FBXO31: variants seen among roughly 807,000 people sequenced by gnomAD.
The protein encoded by FBXO31 is F-box only protein 31.
FBXO31 carries 24 observed loss-of-function variants against 54.4 expected under a neutral mutation model. That is an observed-to-expected ratio of 0.44 (90% CI 0.32 to 0.62). FBXO31 has a LOEUF of 0.62. FBXO31 is among the 20% of genes least tolerant of loss of function. The pLI is 0.05. For missense variants in FBXO31, 665 were observed against 787.1 expected (o/e 0.84, Z 1.86); for synonymous variants, 388 against 335.6 (o/e 1.16, Z -1.71).
chr16:87,364,482 G>A (rs991434920), intron 1 of FBXO31, among the ~76,000 whole-genome samples: 1 of 152,208 alleles, frequency 6.6e-6, no homozygotes, highest in Non-Finnish European at 1.5e-5. Context: ...CATTCCAGAG[G>A]TCCAGGAAGC....
chr16:87,331,966 G>A (rs985824220), intron 8 of FBXO31, among the ~76,000 whole-genome samples: 1 of 152,224 alleles, frequency 6.6e-6, no homozygotes, highest in Non-Finnish European at 1.5e-5. Flanking sequence ...CTCTAATACA[G>A]GCAGCCTGCA....
intron 2 of FBXO31, among the ~76,000 whole-genome samples, chr16:87,353,240 C>G (rs1284286187): frequency 6.6e-6 from 1 of 152,204 alleles, no homozygotes; most frequent in African/African-American, 2.4e-5. Context: ...GTTACTCCCA[C>G]GGAGAACCCG....
intron 1 of FBXO31, among the ~76,000 whole-genome samples, chr16:87,365,648 G>T (rs1204379102): frequency 3.3e-5 from 5 of 152,214 alleles, no homozygotes; most frequent in African/African-American, 9.6e-5. Context: ...CGCTGCCATG[G>T]TAACATGCAT....
intron 5 of FBXO31, among the ~76,000 whole-genome samples, chr16:87,340,903 A>T (rs1201294451): frequency 6.6e-6 from 1 of 152,230 alleles, no homozygotes; most frequent in African/African-American, 2.4e-5. Flanking sequence ...TCCTATCTGG[A>T]AGGGCTTCGA....
intron 1 of FBXO31, among the ~76,000 whole-genome samples, chr16:87,365,038 T>C (rs1375993552): frequency 9.0e-6 from 1 of 110,816 alleles, no homozygotes; most frequent in Non-Finnish European, 1.9e-5. Context: ...TATATATATA[T>C]ATCAGGCAGG....
chr16:87,354,184 G>T (rs1020425786), intron 2 of FBXO31, among the ~76,000 whole-genome samples: 6 of 152,244 alleles, frequency 3.9e-5, no homozygotes, highest in Admixed American at 1.3e-4. Context: ...AAAAAGTACA[G>T]AACATTGTCC....
chr16:87,342,117 G>C (rs1049121178), intron 5 of FBXO31, among the ~76,000 whole-genome samples: 2 of 152,166 alleles, frequency 1.3e-5, no homozygotes, highest in African/African-American at 4.8e-5. Context: ...CCACATGGGA[G>C]TGCGGTGGTG....
intron 8 of FBXO31, among the ~76,000 whole-genome samples, chr16:87,331,932 G>A (rs1904874754): frequency 6.6e-6 from 1 of 152,202 alleles, no homozygotes; most frequent in Non-Finnish European, 1.5e-5. Context: ...TTAATGTCTG[G>A]GAGTTATGTC....
At chr16:87,337,407 C>A (rs1289128030) in intron 5 of FBXO31, among the ~76,000 whole-genome samples, 1 of 152,206 alleles carries the variant, frequency 6.6e-6, no homozygotes, top group East Asian at 1.9e-4. Flanking sequence ...CACAAGCCCA[C>A]CAGGCACTAC....
At position 87,331,286 on chromosome 16, in the gene FBXO31, G is replaced by T; in HGVS notation, c.*2C>A. 1 of 1,612,370 alleles carries T rather than the reference G, an allele frequency of 6.2e-7. No individual in the cohort carries two copies. The highest frequency in any genetic ancestry group is 8.5e-7 in the Non-Finnish European group (1 of 1,178,718). On this transcript the variant is annotated 3_prime_UTR_variant, in exon 9 of 9. Transcript: ENST00000311635. ...GGGATGTGGCGGCAAGGATGTGGCC[G>T]GTCAGGAGGTGAGGGACTGAATGTT...
intron 1 of FBXO31, among the ~76,000 whole-genome samples, chr16:87,365,524 T>C (rs751958874): frequency 4.6e-5 from 7 of 152,162 alleles, no homozygotes; most frequent in Non-Finnish European, 1.0e-4. Context: ...ATGGCCTCCT[T>C]GGGAGCTCGG....
Position 87,343,760 on chromosome 16 carries a change from G to A in FBXO31, c.495C>T (p.Asp165=), listed in dbSNP as rs752940051. Reference sequence around the variant, plus strand: ...ACATCCACCCGATGATGAACAGGCCGTCCACCTACAGGAGGAGATGGGCAA... The same window carrying A: ...ACATCCACCCGATGATGAACAGGCCATCCACCTACAGGAGGAGATGGGCAA... ...PYGGLLNVVV[D]GLFIIGWMYL... is the part of the protein sequence containing the mutation. The change falls in exon 4 of 9, where the codon GAC becomes GAT. Residue 165 remains aspartate, a synonymous_variant. Coordinates refer to ENST00000311635, the MANE Select transcript of FBXO31 (RefSeq NM_024735.5). The A allele has an allele frequency of 4.3e-5, 69 of 1,614,028 alleles. No homozygotes were observed. The East Asian group carries it at 5.1e-4, about 12-fold the overall frequency.
At chr16:87,341,538 C>T (rs1905193517) in intron 5 of FBXO31, among the ~76,000 whole-genome samples, 2 of 151,812 alleles carry the variant, frequency 1.3e-5, no homozygotes, top group Admixed American at 6.6e-5. Context: ...TGCCTCTAAG[C>T]CCAGCTCCTC....
chr16:87,366,380 C>A (rs923461855), intron 1 of FBXO31, among the ~76,000 whole-genome samples: 4 of 152,164 alleles, frequency 2.6e-5, no homozygotes, highest in African/African-American at 9.7e-5. Flanking sequence ...AAATAATGCT[C>A]CTTATCATAA....
intron 1 of FBXO31, among the ~76,000 whole-genome samples, chr16:87,378,057 G>A (rs1467845688): frequency 2.0e-5 from 3 of 151,758 alleles, no homozygotes; most frequent in Non-Finnish European, 4.4e-5. Flanking sequence ...TATTCAGGAG[G>A]CTGAGGCAGG....
In FBXO31 at chr16:87,336,051, C is replaced by A. The variant is rs1408355199; in HGVS notation, c.842+104G>T. 1 of 878,500 alleles carries A rather than the reference C, an allele frequency of 1.1e-6. No homozygotes were observed. The highest frequency in any genetic ancestry group is 1.6e-5 in the South Asian group (1 of 62,440). 54.4% of individuals were successfully genotyped at this position (878,500 alleles called of 1,614,324 possible). On this transcript the variant is annotated intron_variant, in intron 6 of 8. Coordinates refer to ENST00000311635, the MANE Select transcript of FBXO31 (RefSeq NM_024735.5). The surrounding 1 kb of genome is among the most constrained non-coding windows in gnomAD (Gnocchi z 6.5). The stretch of plus-strand genomic sequence containing the variant: ...AGGAGAGAGGGCTGAACCCCAGCAC[C>A]CACTGAGACAAAGGACTATGCCCCA...
chr16:87,359,095 G>T (rs991997403), intron 2 of FBXO31, among the ~76,000 whole-genome samples: 5 of 152,246 alleles, frequency 3.3e-5, no homozygotes, highest in African/African-American at 1.2e-4. Flanking sequence ...TTGCTGCGCT[G>T]TGAAAATGAA....
chr16:87,351,186 T>C (rs1479785154), intron 2 of FBXO31, among the ~76,000 whole-genome samples: 2 of 152,212 alleles, frequency 1.3e-5, no homozygotes, highest in Non-Finnish European at 2.9e-5. Context: ...TTACGAAGCA[T>C]GGCTATCGCA....
intron 8 of FBXO31, among the ~76,000 whole-genome samples, chr16:87,331,799 G>T (rs529835423): frequency 2.4e-4 from 37 of 152,350 alleles, no homozygotes; most frequent in African/African-American, 7.7e-4. Flanking sequence ...CAGCACCCGT[G>T]AGGGATTCAC....
Sources: gnomAD v4.1 joint callset for allele counts (sites outside exome capture counted in the v4.1 genomes callset) on GRCh38, gnomAD v4.1.1 for gene constraint, Gnocchi (gnomAD v3.1) non-coding constraint, MANE v1.5 for transcripts, NCBI Gene and HGNC (gene_info 2026-07-23, HGNC 2026-07-21) for gene names.